SMYD3: variants seen among roughly 807,000 people sequenced by gnomAD.
The protein encoded by SMYD3 is histone-lysine N-methyltransferase SMYD3.
SMYD3 carries 36 observed loss-of-function variants against 57.7 expected under a neutral mutation model. The observed-to-expected ratio is 0.62, with a 90% CI of 0.48 to 0.82. SMYD3 has a LOEUF of 0.82. Among genes scored for constraint, SMYD3 ranks in the 40% least tolerant of loss-of-function variants. The pLI, the probability that SMYD3 is intolerant of heterozygous loss-of-function variation, is 0.00. For synonymous variants in SMYD3, 211 were observed against 195.0 expected, an observed-to-expected ratio of 1.08 and a Z score of -0.68; for missense variants, 515 against 538.8, an observed-to-expected ratio of 0.96 and a Z score of 0.44.
chr1:246,386,295 T>C (rs1333383705), intron 1 of SMYD3, among the ~76,000 whole-genome samples: 3 of 152,176 alleles, frequency 2.0e-5, no homozygotes, highest in South Asian at 2.1e-4. Flanking sequence ...TCTAGGAAAC[T>C]GGGCATTTCT....
At chr1:246,040,813 T>C (rs1197962218) in intron 5 of SMYD3, among the ~76,000 whole-genome samples, 1 of 152,236 alleles carries the variant, frequency 6.6e-6, no homozygotes, top group Non-Finnish European at 1.5e-5. Flanking sequence ...ATCTTAATAT[T>C]TGCTGCTTAG....
intron 1 of SMYD3, among the ~76,000 whole-genome samples, chr1:246,385,272 T>C (rs1012899087): frequency 1.4e-5 from 2 of 147,894 alleles, no homozygotes; most frequent in African/African-American, 5.0e-5. Flanking sequence ...GAGAACTACA[T>C]GCGAATTTTA....
intron 5 of SMYD3, among the ~76,000 whole-genome samples, chr1:246,071,747 G>A (rs1030872828): frequency 6.6e-5 from 10 of 151,878 alleles, no homozygotes; most frequent in Non-Finnish European, 8.8e-5. Context: ...GGAGGGATTC[G>A]AGTGCTTTCC....
At chr1:245,999,622 G>T (rs997798664) in intron 5 of SMYD3, among the ~76,000 whole-genome samples, 3 of 147,248 alleles carry the variant, frequency 2.0e-5, no homozygotes, top group African/African-American at 7.6e-5. Context: ...GAAAGAAAAA[G>T]GATTTAAGGA....
intron 10 of SMYD3, among the ~76,000 whole-genome samples, chr1:245,806,711 C>A (rs543639479): frequency 1.3e-5 from 2 of 150,538 alleles, no homozygotes; most frequent in African/African-American, 4.9e-5. Flanking sequence ...GAGATGGAGA[C>A]CATCCTGGCT....
intron 5 of SMYD3, among the ~76,000 whole-genome samples, chr1:246,245,073 A>C (rs1572270457): frequency 6.6e-6 from 1 of 151,106 alleles, no homozygotes; most frequent in East Asian, 1.9e-4. Flanking sequence ...AAATAGACCA[A>C]GAACCTGAAC....
chr1:246,392,825 T>G (rs1052350159), intron 1 of SMYD3, among the ~76,000 whole-genome samples: 9 of 148,638 alleles, frequency 6.1e-5, no homozygotes, highest in African/African-American at 1.7e-4. Context: ...AAAACTCAAT[T>G]AGAATAAAGA....
chr1:245,764,228 G>A, intron 10 of SMYD3, 79 bp from the exon 11 acceptor site: 1 of 915,336 alleles, frequency 1.1e-6, no homozygotes. Flanking sequence ...CTACGAAAGT[G>A]GAAGCAGACA....
At chr1:246,116,182 C>A (rs2061339923) in intron 5 of SMYD3, among the ~76,000 whole-genome samples, 1 of 144,566 alleles carries the variant, frequency 6.9e-6, no homozygotes, top group Non-Finnish European at 1.5e-5. Flanking sequence ...TAATCCTATA[C>A]CTCAAGCACC....
At chr1:245,987,646 T>C (rs2058729706) in intron 5 of SMYD3, among the ~76,000 whole-genome samples, 1 of 152,226 alleles carries the variant, frequency 6.6e-6, no homozygotes. Context: ...ATATGAAAAC[T>C]AAGACTTAGC....
At chr1:246,216,491 T>C (rs74826504) in intron 5 of SMYD3, among the ~76,000 whole-genome samples, 3,632 of 152,144 alleles carry the variant, frequency 0.024, 168 homozygotes, top group African/African-American at 0.083. Flanking sequence ...AAATCTGATA[T>C]GGATTAGGTA....
chr1:245,785,646 A>C (rs2047007544), intron 10 of SMYD3, among the ~76,000 whole-genome samples: 1 of 149,928 alleles, frequency 6.7e-6, no homozygotes, highest in Admixed American at 6.7e-5. Context: ...AGAGCGAGCG[A>C]GAGAGAGAGA....
rs184073981 is a variant in SMYD3, at chr1:245,904,782, G to A, written c.813+10748C>T. ...CTGGGACAGCCGAGAGAGTGCTGGC[G>A]TCACCCCTCCCCTGGCCCCAGGGTG... On this transcript the variant is annotated intron_variant, in intron 8 of 11. Transcript: ENST00000490107. 3.6e-4 allele frequency among the ~76,000 whole-genome samples: 55 copies of A among 152,028 alleles called. 1 individual carries two copies. The highest frequency in any genetic ancestry group is 3.4e-3 in the Middle Eastern group (1 of 294).
intron 5 of SMYD3, among the ~76,000 whole-genome samples, chr1:245,935,024 A>T (rs1471784013): frequency 1.3e-5 from 2 of 152,242 alleles, no homozygotes; most frequent in African/African-American, 4.8e-5. Flanking sequence ...AGAAGCAAGT[A>T]GGAGATATGA....
At chr1:246,358,469 CAG>C (rs1320393602) in intron 1 of SMYD3, among the ~76,000 whole-genome samples, 1 of 152,098 alleles carries the variant, frequency 6.6e-6, no homozygotes, top group East Asian at 1.9e-4. Flanking sequence ...ATGGACTTAA[CAG>C]ATATTTACAG....
intron 5 of SMYD3, among the ~76,000 whole-genome samples, chr1:246,029,068 T>C (rs146708296): frequency 6.6e-6 from 1 of 152,108 alleles, no homozygotes; most frequent in Admixed American, 6.5e-5. Flanking sequence ...TATACAAAAG[T>C]AAACTCAAAA....
At chr1:246,336,692 G>GT (rs1262003322) in intron 2 of SMYD3, among the ~76,000 whole-genome samples, 2 of 152,076 alleles carry the variant, frequency 1.3e-5, no homozygotes, top group East Asian at 3.8e-4. Flanking sequence ...CTTGATTTTC[G>GT]TAACAATCCA....
chr1:245,921,258 T>G (rs1332006916), intron 7 of SMYD3, among the ~76,000 whole-genome samples: 1 of 152,134 alleles, frequency 6.6e-6, no homozygotes, highest in East Asian at 1.9e-4. Context: ...GAATGGCTAT[T>G]ACTAAAAAGT....
intron 2 of SMYD3, among the ~76,000 whole-genome samples, chr1:246,343,779 C>T (rs577136446): frequency 4.6e-5 from 7 of 152,088 alleles, no homozygotes; most frequent in Non-Finnish European, 1.0e-4. Flanking sequence ...GGTCTTCCTG[C>T]CCTGACTCTT....
Sources: gnomAD v4.1 joint callset for allele counts (sites outside exome capture counted in the v4.1 genomes callset) on GRCh38, gnomAD v4.1.1 for gene constraint, MANE v1.5 for transcripts, NCBI Gene and HGNC (gene_info 2026-07-23, HGNC 2026-07-21) for gene names.